Variants in NUF2 observed in about 807,000 individuals in gnomAD.
The protein encoded by NUF2 is NUF2 component of NDC80 kinetochore complex.
A neutral mutation model predicts 61.8 loss-of-function variants in NUF2; 34 were observed. The ratio of observed to expected loss-of-function variants is 0.55; its 90% confidence interval spans 0.42 to 0.73. The LOEUF is 0.73. NUF2 is among the 30% of genes least tolerant of loss of function. The pLI is 0.00. For missense variants in NUF2, 445 were observed against 539.1 expected (o/e 0.83, Z 1.73); for synonymous variants, 172 against 181.6 (o/e 0.95, Z 0.42).
chr1:163,323,599 G>T (rs1650311609), intron 1 of NUF2, among the ~76,000 whole-genome samples: 1 of 152,022 alleles, frequency 6.6e-6, no homozygotes, highest in African/African-American at 2.4e-5. Flanking sequence ...GCCTGCTGTC[G>T]TCCTGGCTAC....
chr1:163,341,645 A>G (rs1650951236), intron 9 of NUF2, among the ~76,000 whole-genome samples: 1 of 151,142 alleles, frequency 6.6e-6, no homozygotes, highest in Non-Finnish European at 1.5e-5. Context: ...TTATTTTTTG[A>G]GATGGAGTCT....
At position 163,349,061 on chromosome 1, in the gene NUF2, G is replaced by A. The variant is rs1407767832; in HGVS notation, c.1241G>A (p.Arg414Lys). Residue 414 changes from arginine to lysine, a missense_variant, in exon 13 of 14, where the codon AGG becomes AAG. Coordinates refer to ENST00000271452, the MANE Select transcript of NUF2 (RefSeq NM_145697.3). ...GIQQLKDAAE[R>K]EKLKSQEIFL... ...CAACAACTAAAAGATGCTGCTGAAAGGGAGAAACTGAAGTCCCAGGTGAAT... is the reference window on the plus strand; with the variant it reads ...CAACAACTAAAAGATGCTGCTGAAAAGGAGAAACTGAAGTCCCAGGTGAAT... 3.1e-6 allele frequency: 5 copies of A among 1,606,772 alleles called. No homozygotes were observed. The highest frequency in any genetic ancestry group is 4.2e-6 in the Non-Finnish European group (5 of 1,178,346).
chr1:163,349,403 A>C (rs1651236966), intron 13 of NUF2, among the ~76,000 whole-genome samples: 1 of 152,134 alleles, frequency 6.6e-6, no homozygotes, highest in Admixed American at 6.5e-5. Flanking sequence ...ATATTTATTA[A>C]ATATTTATTG....
Position 163,355,597 on chromosome 1 carries a change from C to T in NUF2, c.*128C>T. 1 of 638,100 alleles carries T rather than the reference C, an allele frequency of 1.6e-6. No individual in the cohort carries two copies. The allele number at this position is 638,100 out of a possible 1,614,324, so 39.5% of individuals were successfully genotyped here. ...TGTTGGCTTCATCAGTTTTTATACA[C>T]TCTCATAAGTAGTTAATAAGATGAA... On this transcript the variant is annotated 3_prime_UTR_variant, in exon 14 of 14. Coordinates refer to ENST00000271452, the MANE Select transcript of NUF2 (RefSeq NM_145697.3).
At chr1:163,324,387 A>G (rs1650343052) in intron 1 of NUF2, among the ~76,000 whole-genome samples, 1 of 152,184 alleles carries the variant, frequency 6.6e-6, no homozygotes, top group Non-Finnish European at 1.5e-5. Flanking sequence ...TTGAGAGTGA[A>G]TTCTGTGATG....
intron 6 of NUF2, 139 bp from the exon 7 acceptor site, chr1:163,337,881 A>C: frequency 1.6e-6 from 1 of 622,962 alleles, no homozygotes. Flanking sequence ...AGAAATTCCT[A>C]ATTCATTTGT....
chr1:163,327,098 TCACACACACACACACA>T (rs752584850), intron 2 of NUF2, among the ~76,000 whole-genome samples: 2 of 33,300 alleles, frequency 6.0e-5, no homozygotes, highest in African/African-American at 1.1e-4. Flanking sequence ...TTTCCTGTGT[TCACACACACACACACA>T]CACACACACA....
chr1:163,339,168 T>A (rs1406033333), intron 7 of NUF2: 2 of 503,484 alleles, frequency 4.0e-6, no homozygotes, highest in Non-Finnish European at 3.5e-6. Context: ...TCCATAGATT[T>A]GATAGTAGAA....
At chr1:163,351,258 G>A (rs1651306178) in intron 13 of NUF2, among the ~76,000 whole-genome samples, 2 of 152,022 alleles carry the variant, frequency 1.3e-5, no homozygotes, top group South Asian at 2.1e-4. Flanking sequence ...ATAATATTGG[G>A]GTAGATTTTT....
At chr1:163,342,456 G>T (rs997288676) in intron 9 of NUF2, among the ~76,000 whole-genome samples, 1 of 152,098 alleles carries the variant, frequency 6.6e-6, no homozygotes, top group Non-Finnish European at 1.5e-5. Context: ...ATAATGTGGT[G>T]GTTTGCAGAA....
Position 163,343,867 on chromosome 1 carries a change from C to G in NUF2, c.804C>G (p.Ala268=). Reference sequence around the variant, plus strand: ...ATACGGTCCAGAAGCTTAAAAATGCCAGAGTGAGTTTTCTTTTTATTTTAA... The same window carrying G: ...ATACGGTCCAGAAGCTTAAAAATGCGAGAGTGAGTTTTCTTTTTATTTTAA... ...MKDTVQKLKN[A]RQEVVEKYEI... The change falls in exon 10 of 14, where the codon GCC becomes GCG. Residue 268 remains alanine, a synonymous_variant. Transcript: ENST00000271452. 2 of 1,389,110 alleles carry G rather than the reference C, an allele frequency of 1.4e-6. No individual in the cohort carries two copies. Among genetic ancestry groups the G allele is most frequent in the Non-Finnish European group, 1.9e-6 (2 of 1,060,144 alleles). The allele number at this position is 1,389,110 out of a possible 1,614,324, so 86.0% of individuals were successfully genotyped here.
intron 13 of NUF2, among the ~76,000 whole-genome samples, chr1:163,350,291 G>A (rs2101691357): frequency 6.7e-6 from 1 of 149,540 alleles, no homozygotes; most frequent in South Asian, 2.1e-4. Context: ...GACAGAGCAA[G>A]ACTCCGTCTC....
intron 9 of NUF2, among the ~76,000 whole-genome samples, chr1:163,341,323 C>T (rs1387427195): frequency 6.6e-6 from 1 of 152,140 alleles, no homozygotes; most frequent in Admixed American, 6.5e-5. Flanking sequence ...GATTCTTCTG[C>T]CTCAGCCTCC....
At chr1:163,328,978 TAAAAA>T in intron 5 of NUF2, 71 bp downstream of exon 5, 11 of 474,378 alleles carry the variant, frequency 2.3e-5, no homozygotes, top group South Asian at 5.2e-5. Flanking sequence ...TCAGTAAATG[TAAAAA>T]AAAAAAAAAA....
chr1:163,338,156 G>A (rs1650825979), intron 7 of NUF2, 63 bp downstream of exon 7: 2 of 1,214,566 alleles, frequency 1.6e-6, no homozygotes, highest in Non-Finnish European at 2.4e-6. Context: ...ATTGTAAGTA[G>A]TATTTTACAA....
chr1:163,352,560 C>T (rs566112446), intron 13 of NUF2, among the ~76,000 whole-genome samples: 3 of 152,324 alleles, frequency 2.0e-5, no homozygotes, highest in South Asian at 4.1e-4. Context: ...ATTTCCACCT[C>T]TAGGACTTTC....
chr1:163,323,452 G>A (rs748944593), intron 1 of NUF2, among the ~76,000 whole-genome samples: 6 of 152,118 alleles, frequency 3.9e-5, no homozygotes, highest in Admixed American at 1.3e-4. Context: ...TGGCAAGGTG[G>A]CTTATGCTTG....
Position 163,340,346 on chromosome 1 carries a change from G to A in NUF2, c.607-18G>A, listed in dbSNP as rs750596987. The A allele has an allele frequency of 2.5e-6, 4 of 1,591,450 alleles. No homozygotes were observed. The highest frequency in any genetic ancestry group is 3.4e-6 in the Non-Finnish European group (4 of 1,164,728). ...AATGTTTTGAATCATTATAAAACGT[G>A]TTTGCTTTTTCCCTTAGATAGTGCT... is the stretch of plus-strand genomic sequence containing the variant. On this transcript the variant is annotated intron_variant, in intron 8 of 13. Transcript: ENST00000271452.
At chr1:163,333,124 GT>G (rs1287878453) in intron 5 of NUF2, among the ~76,000 whole-genome samples, 1 of 152,088 alleles carries the variant, frequency 6.6e-6, no homozygotes, top group African/African-American at 2.4e-5. Context: ...TTTAATTTTT[GT>G]TTTATGTACC....
Sources: gnomAD v4.1 joint callset for allele counts (sites outside exome capture counted in the v4.1 genomes callset) on GRCh38, gnomAD v4.1.1 for gene constraint, MANE v1.5 for transcripts, NCBI Gene and HGNC (gene_info 2026-07-23, HGNC 2026-07-21) for gene names.